Variants in FAAH observed in about 807,000 individuals in gnomAD.
The protein encoded by FAAH is fatty acid amide hydrolase.
FAAH carries 63 observed loss-of-function variants against 69.7 expected under a neutral mutation model. That is an observed-to-expected ratio of 0.90 (90% CI 0.74 to 1.12). The LOEUF is 1.12. FAAH is among the 50% of genes most tolerant of loss of function. FAAH has a pLI of 0.00. For synonymous variants in FAAH, 305 were observed against 324.2 expected (o/e 0.94, Z 0.64); for missense variants, 680 against 755.0 (o/e 0.90, Z 1.16).
intron 2 of FAAH, 24 bp downstream of exon 2, chr1:46,402,228 C>T (rs767973264): frequency 5.8e-6 from 9 of 1,554,380 alleles, no homozygotes; most frequent in Admixed American, 5.6e-5. Context: ...AGGCCAGCCC[C>T]TCCCTGGGAA....
chr1:46,400,742 G>A (rs371870056), intron 1 of FAAH, among the ~76,000 whole-genome samples: 75 of 137,082 alleles, frequency 5.5e-4, no homozygotes, highest in South Asian at 3.1e-3. Context: ...GCTGGGTAGG[G>A]GATCTGGGGG....
chr1:46,412,021 C>T (rs1664925494), intron 12 of FAAH, 122 bp from the exon 13 acceptor site: 2 of 852,026 alleles, frequency 2.3e-6, no homozygotes, highest in Admixed American at 4.0e-5. Context: ...CCCACTGTGG[C>T]TCTGTTCAGA....
In FAAH at chr1:46,410,667, T is replaced by G. The variant is rs1265624792; in HGVS notation, c.1276-147T>G. 6.0e-6 allele frequency: 7 copies of G among 1,163,170 alleles called. No homozygotes were observed. The highest frequency in any genetic ancestry group is 1.3e-6 in the Non-Finnish European group (1 of 775,176). 72.1% of individuals were successfully genotyped at this position (1,163,170 alleles called of 1,614,324 possible). On this transcript the variant is annotated intron_variant, in intron 10 of 14. Transcript: ENST00000243167. This position sits in a 1 kb window ranked among gnomAD's most constrained non-coding sequence, Gnocchi z 4.9. ...TCTCCTCCTCTGTCCCCTGCGATCT[T>G]CAGCCAACCCGCATGCTGAAAGGGG...
intron 1 of FAAH, among the ~76,000 whole-genome samples, chr1:46,400,411 C>T (rs1569808714): frequency 1.3e-5 from 2 of 151,762 alleles, no homozygotes; most frequent in South Asian, 2.1e-4. Context: ...GTTGGGTGGC[C>T]GCGTGTGACC....
At chr1:46,412,548 A>C (rs1233391959) in intron 13 of FAAH, among the ~76,000 whole-genome samples, 1 of 152,178 alleles carries the variant, frequency 6.6e-6, no homozygotes, top group Non-Finnish European at 1.5e-5. Flanking sequence ...GGTGGCTCAC[A>C]CCTATAATCC....
chr1:46,402,109 G>A lies in FAAH; in HGVS notation c.214G>A (p.Glu72Lys). ...FRLQNPDLDSEALLALPLPQL... is the reference protein window; with the variant it reads ...FRLQNPDLDSKALLALPLPQL... Reference sequence around the variant, plus strand: ...CCCACAGAACCCAGACCTGGACTCAGAGGCGCTGCTAGCCCTGCCCCTGCC... The same window carrying A: ...CCCACAGAACCCAGACCTGGACTCAAAGGCGCTGCTAGCCCTGCCCCTGCC... Residue 72 changes from glutamate (E) to lysine (K), a missense_variant, in exon 2 of 15, where the codon GAG becomes AAG. By Grantham distance (56) the Glu-to-Lys change is moderately conservative (BLOSUM62 1). Coordinates refer to ENST00000243167, the MANE Select transcript of FAAH (RefSeq NM_001441.3). 6.2e-7 allele frequency: 1 copy of A among 1,609,100 alleles called. No individual in the cohort carries two copies. Among genetic ancestry groups the A allele is most frequent in the South Asian group, 1.1e-5 (1 of 90,052 alleles).
In FAAH at chr1:46,410,373, C is replaced by T; in HGVS notation, c.1176-25C>T. 1.2e-6 allele frequency: 2 copies of T among 1,600,642 alleles called. No homozygotes were observed. Among genetic ancestry groups the T allele is most frequent in the East Asian group, 4.5e-5 (2 of 44,824 alleles). ...GGGAAGGATGTGGGGATGGGAGTGC[C>T]TGGACCGAGCATTTTGTTTCCCAGC... On this transcript the variant is annotated intron_variant, in intron 9 of 14. Coordinates refer to ENST00000243167, the MANE Select transcript of FAAH (RefSeq NM_001441.3). This position sits in a 1 kb window ranked among gnomAD's most constrained non-coding sequence, Gnocchi z 4.9.
Position 46,413,524 on chromosome 1 carries a change from G to T in FAAH, c.1689G>T (p.Arg563=), listed in dbSNP as rs374961949. 4.3e-6 allele frequency: 7 copies of T among 1,613,994 alleles called. No individual in the cohort carries two copies. The highest frequency in any genetic ancestry group is 1.6e-4 in the Middle Eastern group (1 of 6,084). ...ALPWQEELCL[R]FMREVERLMT... is the part of the protein sequence containing the mutation. ...CCTGGCAAGAAGAGTTGTGTCTGCGGTTCATGCGGGAGGTGGAGCGACTGA... is the reference window on the plus strand; with the variant it reads ...CCTGGCAAGAAGAGTTGTGTCTGCGTTTCATGCGGGAGGTGGAGCGACTGA... Residue 563 remains arginine (R), a synonymous_variant, in exon 15 of 15, where the codon CGG becomes CGT. Transcript: ENST00000243167.
Position 46,410,357 on chromosome 1 carries a change from G to T in FAAH, c.1176-41G>T. 6.5e-7 allele frequency: 1 copy of T among 1,532,598 alleles called. No homozygotes were observed. Among genetic ancestry groups the T allele is most frequent in the Non-Finnish European group, 9.0e-7 (1 of 1,105,612 alleles). 94.9% of individuals were successfully genotyped at this position (1,532,598 alleles called of 1,614,324 possible). A position where few individuals can be genotyped will look rare whatever the true frequency, so the allele number is the denominator to read the frequency against. On this transcript the variant is annotated intron_variant, in intron 9 of 14. Transcript: ENST00000243167. This position sits in a 1 kb window ranked among gnomAD's most constrained non-coding sequence, Gnocchi z 4.9. The stretch of plus-strand genomic sequence containing the variant: ...GCCGGGCGAGCAAGCTGGGAAGGAT[G>T]TGGGGATGGGAGTGCCTGGACCGAG...
chr1:46,394,517 A>G lies in FAAH; in HGVS notation c.169A>G (p.Arg57Gly). ...GCGAGCGGGCCTGGAGAACATGGACAGGGCGGCGCAGCGCTTCCGGCTCCA... is the reference window on the plus strand; with the variant it reads ...GCGAGCGGGCCTGGAGAACATGGACGGGGCGGCGCAGCGCTTCCGGCTCCA... ...RQRAGLENMD[R>G]AAQRFRLQNP... Residue 57 changes from arginine to glycine, a missense_variant, in exon 1 of 15, where the codon AGG becomes GGG. Arg to Gly is a moderately radical substitution (Grantham distance 125). Transcript: ENST00000243167. 7.2e-7 allele frequency: 1 copy of G among 1,381,990 alleles called. No homozygotes were observed. Among genetic ancestry groups the G allele is most frequent in the Non-Finnish European group, 9.3e-7 (1 of 1,074,302 alleles). 85.6% of individuals were successfully genotyped at this position (1,381,990 alleles called of 1,614,324 possible).
chr1:46,397,463 T>A (rs1195200799), intron 1 of FAAH, among the ~76,000 whole-genome samples: 1 of 152,162 alleles, frequency 6.6e-6, no homozygotes, highest in African/African-American at 2.4e-5. Flanking sequence ...AGGTTTCCAG[T>A]GATTGTGGTT....
At chr1:46,408,670 A>T in intron 8 of FAAH, 86 bp downstream of exon 8, 1 of 1,595,322 alleles carries the variant, frequency 6.3e-7, no homozygotes, top group Non-Finnish European at 8.6e-7. Flanking sequence ...CATCCCTGGC[A>T]TCCTGGCACT....
Position 46,394,471 on chromosome 1 carries a change from G to A in FAAH, c.123G>A (p.Val41=), listed in dbSNP as rs1032725955. The change falls in exon 1 of 15, where the codon GTG becomes GTA. Residue 41 remains valine, a synonymous_variant. Transcript: ENST00000243167. Reference sequence around the variant, plus strand: ...GGCGCCGGACGGCGCGGGGCGCGGTGGTCCGGGCGCGACAGAGGCAGCGAG... The same window carrying A: ...GGCGCCGGACGGCGCGGGGCGCGGTAGTCCGGGCGCGACAGAGGCAGCGAG... The part of the protein sequence containing the change: ...WSGRRTARGA[V]VRARQRQRAG... 2 of 1,386,196 alleles carry A rather than the reference G, an allele frequency of 1.4e-6. No homozygotes were observed. Among genetic ancestry groups the A allele is most frequent in the Non-Finnish European group, 1.9e-6 (2 of 1,076,884 alleles). 85.9% of individuals were successfully genotyped at this position (1,386,196 alleles called of 1,614,324 possible).
At chr1:46,400,185 TG>T (rs1173148171) in intron 1 of FAAH, among the ~76,000 whole-genome samples, 2 of 19,146 alleles carry the variant, frequency 1.0e-4, no homozygotes, top group Admixed American at 1.3e-3. Context: ...CTCTGGGGTG[TG>T]GGGGGTGGGA....
At chr1:46,398,359 G>A (rs1664637077) in intron 1 of FAAH, among the ~76,000 whole-genome samples, 1 of 152,118 alleles carries the variant, frequency 6.6e-6, no homozygotes, top group Non-Finnish European at 1.5e-5. Context: ...CTTGAATGAT[G>A]GGCAGGTAGG....
At position 46,410,719 on chromosome 1, in the gene FAAH, A is replaced by T. The variant is rs973044988; in HGVS notation, c.1276-95A>T. 6 of 1,504,976 alleles carry T rather than the reference A, an allele frequency of 4.0e-6. No homozygotes were observed. Among genetic ancestry groups the T allele is most frequent in the Non-Finnish European group, 5.6e-6 (6 of 1,080,668 alleles). 93.2% of individuals were successfully genotyped at this position (1,504,976 alleles called of 1,614,324 possible). On this transcript the variant is annotated intron_variant, in intron 10 of 14. Coordinates refer to ENST00000243167, the MANE Select transcript of FAAH (RefSeq NM_001441.3). The surrounding 1 kb of genome is among the most constrained non-coding windows in gnomAD (Gnocchi z 4.9). ...GCCGACCTGGGCCCTGGGGGGAGGC[A>T]TGGAGGGAGGGGTCCCCAGTGGCTT...
In FAAH at chr1:46,405,926, C is replaced by T. The variant is rs764695328; in HGVS notation, c.786-112C>T. ...GAGGAAGCATTACAGTACCACTGGC[C>T]GGGCGTGGGTCCTAGTTTCCAAAGC... On this transcript the variant is annotated intron_variant, in intron 5 of 14. Transcript: ENST00000243167. The surrounding 1 kb of genome is among the most constrained non-coding windows in gnomAD (Gnocchi z 4.1). 1.9e-4 allele frequency: 314 copies of T among 1,611,504 alleles called. No individual in the cohort carries two copies. Among genetic ancestry groups the T allele is most frequent in the Non-Finnish European group, 2.6e-4 (303 of 1,179,644 alleles).
At chr1:46,407,041 C>T (rs1664812352) in intron 7 of FAAH, among the ~76,000 whole-genome samples, 1 of 151,820 alleles carries the variant, frequency 6.6e-6, no homozygotes, top group Non-Finnish European at 1.5e-5. Flanking sequence ...GGGAGCAGCA[C>T]GCCACGCTGC....
At chr1:46,397,600 C>T (rs539630533) in intron 1 of FAAH, among the ~76,000 whole-genome samples, 108 of 152,152 alleles carry the variant, frequency 7.1e-4, no homozygotes, top group Middle Eastern at 6.8e-3. Flanking sequence ...CTTGCTCTGT[C>T]GCCCAGGCTG....
Sources: gnomAD v4.1 joint callset for allele counts (sites outside exome capture counted in the v4.1 genomes callset) on GRCh38, gnomAD v4.1.1 for gene constraint, Gnocchi (gnomAD v3.1) non-coding constraint, MANE v1.5 for transcripts, NCBI Gene and HGNC (gene_info 2026-07-23, HGNC 2026-07-21) for gene names.